The following PUM3 variants were observed in gnomAD, a reference collection of about 807,000 sequenced individuals.
PUM3 encodes the protein pumilio RNA binding family member 3, also known as pumilio homolog 3.
A neutral mutation model predicts 84.0 loss-of-function variants in PUM3; 91 were observed. That is an observed-to-expected ratio of 1.08 (90% CI 0.91 to 1.29). PUM3 has a LOEUF of 1.29. Among genes scored for constraint, PUM3 ranks in the 50% most tolerant of loss-of-function variants. The pLI is 0.00. For missense variants in PUM3, 1,067 were observed against 767.5 expected, an observed-to-expected ratio of 1.39 and a Z score of -4.61; for synonymous variants, 321 against 266.7, an observed-to-expected ratio of 1.20 and a Z score of -1.98.
intron 12 of PUM3, among the ~76,000 whole-genome samples, chr9:2,821,950 G>A (rs934277567): frequency 1.6e-4 from 25 of 152,184 alleles, no homozygotes; most frequent in African/African-American, 5.5e-4. Flanking sequence ...GTAGACAGAT[G>A]TATGTATATT....
chr9:2,808,404 A>G (rs1023843323), intron 16 of PUM3, among the ~76,000 whole-genome samples: 4 of 152,208 alleles, frequency 2.6e-5, no homozygotes, highest in African/African-American at 9.6e-5. Context: ...TTCTCTTTAC[A>G]ACGCTTACAT....
At chr9:2,836,129 T>C (rs1816114416) in intron 3 of PUM3, among the ~76,000 whole-genome samples, 2 of 152,066 alleles carry the variant, frequency 1.3e-5, no homozygotes, top group Non-Finnish European at 2.9e-5. Flanking sequence ...ACGATGGCAT[T>C]TCCCCTCCTT....
At chr9:2,828,987 C>T (rs1815900844) in intron 8 of PUM3, among the ~76,000 whole-genome samples, 1 of 152,200 alleles carries the variant, frequency 6.6e-6, no homozygotes, top group African/African-American at 2.4e-5. Context: ...TTTAAAGAGC[C>T]AGGCCAACCA....
intron 7 of PUM3, among the ~76,000 whole-genome samples, chr9:2,830,360 G>A (rs1815943053): frequency 6.6e-6 from 1 of 152,060 alleles, no homozygotes; most frequent in Admixed American, 6.6e-5. Flanking sequence ...TCATATTCTA[G>A]CACATTAATA....
chr9:2,825,490 T>C (rs1815791606), intron 10 of PUM3, among the ~76,000 whole-genome samples: 2 of 145,216 alleles, frequency 1.4e-5, no homozygotes, highest in African/African-American at 5.4e-5. Flanking sequence ...TTACATTTTC[T>C]TTTTTTTTTG....
At chr9:2,813,922 T>C (rs1821418573) in intron 13 of PUM3, among the ~76,000 whole-genome samples, 1 of 152,234 alleles carries the variant, frequency 6.6e-6, no homozygotes, top group Non-Finnish European at 1.5e-5. Context: ...TAACGTAATC[T>C]TCTGACCACT....
At chr9:2,810,928 C>T (rs563694014) in intron 15 of PUM3, among the ~76,000 whole-genome samples, 17 of 152,292 alleles carry the variant, frequency 1.1e-4, no homozygotes, top group Admixed American at 4.6e-4. Flanking sequence ...CAATACCAAG[C>T]GTTCCCAGTT....
chr9:2,806,279 G>A (rs762668769), intron 17 of PUM3, among the ~76,000 whole-genome samples: 8 of 152,152 alleles, frequency 5.3e-5, no homozygotes, highest in East Asian at 1.9e-4. Context: ...ATCAGCTAAC[G>A]AATTCTGACT....
intron 15 of PUM3, 73 bp from the exon 16 acceptor site, chr9:2,810,504 C>T: frequency 9.8e-7 from 1 of 1,021,180 alleles, no homozygotes. Context: ...TGAATACATA[C>T]TATTTATGCC....
chr9:2,823,761 T>A lies in PUM3; in HGVS notation c.1188+20A>T, dbSNP rs1285211203. ...CTTACTATCAAAAATAATTAGAATA[T>A]GTAGTTTTATTATACTTACATTAGC... On this transcript the variant is annotated intron_variant, in intron 12 of 17. Transcript: ENST00000397885. 7 of 1,160,608 alleles carry A rather than the reference T, an allele frequency of 6.0e-6. No homozygotes were observed. Among genetic ancestry groups the A allele is most frequent in the Admixed American group, 2.1e-5 (1 of 47,086 alleles). The allele number at this position is 1,160,608 out of a possible 1,614,324, so 71.9% of individuals were successfully genotyped here.
chr9:2,811,672 C>G (rs377594674), intron 14 of PUM3, 89 bp from the exon 15 acceptor site: 7 of 871,828 alleles, frequency 8.0e-6, no homozygotes, highest in East Asian at 7.4e-5. Context: ...AAGAGCTTAT[C>G]ACAGACTGTA....
rs1821394751 is a variant in PUM3 at position 2,812,487 on chromosome 9, T to C, written c.1270-125A>G. ...AAGGAACTGATAATTTCCTATAAAATTATAGTATATGTGCTGCCAAAGTGA... is the reference window on the plus strand; with the variant it reads ...AAGGAACTGATAATTTCCTATAAAACTATAGTATATGTGCTGCCAAAGTGA... On this transcript the variant is annotated intron_variant, in intron 13 of 17. Transcript: ENST00000397885. The C allele has an allele frequency of 4.5e-6, 3 of 668,364 alleles. 1 individual carries two copies. In the South Asian group the frequency reaches 6.3e-5, roughly 14 times the overall value. 41.4% of individuals were successfully genotyped at this position (668,364 alleles called of 1,614,324 possible).
chr9:2,812,401 C>T, intron 13 of PUM3, 39 bp from the exon 14 acceptor site: 2 of 1,393,686 alleles, frequency 1.4e-6, no homozygotes, highest in Non-Finnish European at 2.0e-6. Flanking sequence ...TCAATATCTG[C>T]ATTCTCAAAA....
intron 1 of PUM3, 142 bp from the exon 2 acceptor site, chr9:2,838,659 T>C: frequency 1.7e-6 from 1 of 577,244 alleles, no homozygotes. Flanking sequence ...GACAAGTACT[T>C]AAATCCAGCA....
chr9:2,838,511 A>T lies in PUM3; in HGVS notation c.-4T>A. The T allele has an allele frequency of 1.2e-6, 2 of 1,611,884 alleles. No homozygotes were observed. Among genetic ancestry groups the T allele is most frequent in the Non-Finnish European group, 1.7e-6 (2 of 1,178,182 alleles). On this transcript the variant is annotated 5_prime_UTR_variant, in exon 2 of 18. Transcript: ENST00000397885. ...GCTTTTTCCCTTTAACTTCCATCGT[A>T]GCAACTCTGGAAAACCAAAACCAAA...
chr9:2,843,473 G>A (rs887935124), intron 1 of PUM3, among the ~76,000 whole-genome samples: 1 of 152,042 alleles, frequency 6.6e-6, no homozygotes, highest in Non-Finnish European at 1.5e-5. Flanking sequence ...CAGACAGGCT[G>A]ATCAGGCCGA....
At chr9:2,831,070 T>C in intron 6 of PUM3, 42 bp from the exon 7 acceptor site, 1 of 1,123,246 alleles carries the variant, frequency 8.9e-7, no homozygotes. Context: ...AGATCTCATT[T>C]CAGTTCTCTG....
At chr9:2,830,089 C>G in intron 7 of PUM3, 141 bp from the exon 8 acceptor site, 1 of 643,464 alleles carries the variant, frequency 1.6e-6, no homozygotes, top group South Asian at 2.2e-5. Flanking sequence ...CATTGAGAAG[C>G]TGTGGCCAGC....
At chr9:2,834,295 T>C in intron 3 of PUM3, 129 bp from the exon 4 acceptor site, 1 of 719,894 alleles carries the variant, frequency 1.4e-6, no homozygotes, top group Non-Finnish European at 2.2e-6. Context: ...AAGGGGAACA[T>C]ACCATCCCCC....
Sources: gnomAD v4.1 joint callset for allele counts (sites outside exome capture counted in the v4.1 genomes callset) on GRCh38, gnomAD v4.1.1 for gene constraint, MANE v1.5 for transcripts, NCBI Gene and HGNC (gene_info 2026-07-23, HGNC 2026-07-21) for gene names.